The following PHYHIPL variants were observed in gnomAD, a reference collection of about 807,000 sequenced individuals.
PHYHIPL encodes the protein phytanoyl-CoA hydroxylase-interacting protein-like.
Under a neutral mutation model 33.4 loss-of-function variants are expected in PHYHIPL, and 9 were observed. The observed-to-expected ratio is 0.27, with a 90% confidence interval of 0.16 to 0.47. PHYHIPL has a LOEUF of 0.47. Among genes scored for constraint, PHYHIPL ranks in the 20% least tolerant of loss-of-function variants. The pLI, the probability that PHYHIPL is intolerant of heterozygous loss-of-function variation, is 0.99. For synonymous variants in PHYHIPL, 153 were observed against 154.1 expected, an observed-to-expected ratio of 0.99 and a Z score of 0.05; for missense variants, 365 against 460.7, an observed-to-expected ratio of 0.79 and a Z score of 1.90.
intron 1 of PHYHIPL, among the ~76,000 whole-genome samples, chr10:59,182,485 G>A (rs1440459154): frequency 6.6e-6 from 1 of 152,060 alleles, no homozygotes; most frequent in African/African-American, 2.4e-5. Flanking sequence ...TAGGATTACA[G>A]GCACCCGCCA....
rs577632539 is a variant in PHYHIPL, at chr10:59,183,321, A to G, written c.106+6362A>G. 2.8e-3 allele frequency among the ~76,000 whole-genome samples: 434 copies of G among 152,348 alleles called. 5 individuals are homozygous for G. Among genetic ancestry groups the G allele is most frequent in the Non-Finnish European group, 5.3e-3 (358 of 68,026 alleles). ...AAGGAGACATTTTTGAGAGATTAGT[A>G]TAAAGCAAAAAGAATTTTTGAGTTA... is the stretch of plus-strand genomic sequence containing the variant. On this transcript the variant is annotated intron_variant, in intron 1 of 4. Transcript: ENST00000373880.
chr10:59,222,366 T>G (rs1420195514), intron 1 of PHYHIPL, among the ~76,000 whole-genome samples: 2 of 151,938 alleles, frequency 1.3e-5, no homozygotes, highest in Non-Finnish European at 2.9e-5. Flanking sequence ...AAAGCGGGGC[T>G]TAAGGATTAG....
At chr10:59,204,579 C>A (rs1012456995) in intron 1 of PHYHIPL, among the ~76,000 whole-genome samples, 8 of 152,046 alleles carry the variant, frequency 5.3e-5, no homozygotes, top group African/African-American at 1.2e-4. Flanking sequence ...ACTCAAGGAC[C>A]AGATTCTCAG....
chr10:59,216,242 C>T (rs973617499), intron 1 of PHYHIPL, among the ~76,000 whole-genome samples: 2 of 151,994 alleles, frequency 1.3e-5, no homozygotes, highest in African/African-American at 4.8e-5. Flanking sequence ...TTCAAGTGCT[C>T]AGTAGATTCA....
At chr10:59,200,305 T>C (rs1839060667) in intron 1 of PHYHIPL, among the ~76,000 whole-genome samples, 1 of 152,202 alleles carries the variant, frequency 6.6e-6, no homozygotes, top group Non-Finnish European at 1.5e-5. Context: ...TCTGCATCTA[T>C]TGAGATAATC....
intron 1 of PHYHIPL, among the ~76,000 whole-genome samples, chr10:59,196,639 T>C (rs1838928123): frequency 6.6e-6 from 1 of 152,036 alleles, no homozygotes; most frequent in Non-Finnish European, 1.5e-5. Flanking sequence ...AGGATGGTCT[T>C]GATCTCCTGA....
intron 2 of PHYHIPL, among the ~76,000 whole-genome samples, chr10:59,234,743 G>A (rs959352688): frequency 6.6e-6 from 1 of 151,782 alleles, no homozygotes; most frequent in African/African-American, 2.4e-5. Context: ...CTATCATCTA[G>A]ATGTAAAAAT....
At chr10:59,198,948 A>G (rs1414570789) in intron 1 of PHYHIPL, among the ~76,000 whole-genome samples, 3 of 151,966 alleles carry the variant, frequency 2.0e-5, no homozygotes, top group Non-Finnish European at 2.9e-5. Context: ...TGTAGATTCT[A>G]GATATTAGCC....
Position 59,233,096 on chromosome 10 carries a change from A to G in PHYHIPL, c.107-1208A>G, listed in dbSNP as rs1010424987. Among the ~76,000 whole-genome samples the G allele has an allele frequency of 2.6e-5, 4 of 151,896 alleles. 1 individual carries two copies. The highest frequency in any genetic ancestry group is 2.6e-4 in the Admixed American group (4 of 15,234). ...TGAAGAAAGTACATAGGAGAAGAAA[A>G]AAGGATTTTTAAAAGTATTGTTCAA... On this transcript the variant is annotated intron_variant, in intron 1 of 4. Coordinates refer to ENST00000373880, the MANE Select transcript of PHYHIPL (RefSeq NM_032439.4).
At chr10:59,182,226 G>A (rs547080700) in intron 1 of PHYHIPL, among the ~76,000 whole-genome samples, 31 of 151,650 alleles carry the variant, frequency 2.0e-4, no homozygotes, top group Non-Finnish European at 2.8e-4. Flanking sequence ...CTCCTTCTTG[G>A]ATTTATTTTC....
chr10:59,204,721 T>G (rs1353096081), intron 1 of PHYHIPL, among the ~76,000 whole-genome samples: 1 of 152,166 alleles, frequency 6.6e-6, no homozygotes, highest in Non-Finnish European at 1.5e-5. Context: ...GGGAGTGCCA[T>G]CTCCACTATG....
chr10:59,207,559 C>G (rs1839321475), intron 1 of PHYHIPL, among the ~76,000 whole-genome samples: 1 of 152,174 alleles, frequency 6.6e-6, no homozygotes, highest in South Asian at 2.1e-4. Context: ...CAGACTACCT[C>G]TCTAGATTCC....
intron 1 of PHYHIPL, among the ~76,000 whole-genome samples, chr10:59,210,389 C>A (rs2133237018): frequency 6.6e-6 from 1 of 152,268 alleles, no homozygotes; most frequent in South Asian, 2.1e-4. Context: ...CCATCTCAAG[C>A]CAGTTAGAAT....
chr10:59,202,183 G>C (rs1218758369), intron 1 of PHYHIPL, among the ~76,000 whole-genome samples: 1 of 152,014 alleles, frequency 6.6e-6, no homozygotes, highest in Non-Finnish European at 1.5e-5. Context: ...TGAAGGACTA[G>C]TTTAAAATAT....
chr10:59,237,755 T>G (rs1350027866), intron 3 of PHYHIPL, among the ~76,000 whole-genome samples: 1 of 151,922 alleles, frequency 6.6e-6, no homozygotes, highest in Non-Finnish European at 1.5e-5. Flanking sequence ...TAAAACCCTG[T>G]GCTTATCCCA....
chr10:59,221,056 T>C (rs1187297945), intron 1 of PHYHIPL, among the ~76,000 whole-genome samples: 2 of 152,092 alleles, frequency 1.3e-5, no homozygotes, highest in Admixed American at 6.6e-5. Context: ...TTTTATGCCT[T>C]GATTTGCCCA....
chr10:59,210,651 C>A (rs545262490), intron 1 of PHYHIPL, among the ~76,000 whole-genome samples: 4 of 152,248 alleles, frequency 2.6e-5, no homozygotes, highest in Admixed American at 6.5e-5. Context: ...GCACTGTTCA[C>A]AATAGCAAAG....
intron 1 of PHYHIPL, among the ~76,000 whole-genome samples, chr10:59,199,328 T>G (rs1328228631): frequency 4.6e-5 from 7 of 152,216 alleles, no homozygotes; most frequent in Non-Finnish European, 7.4e-5. Flanking sequence ...TTTCCCCATT[T>G]CTTGTTTTTG....
At chr10:59,241,492 T>G (rs1210765898) in intron 4 of PHYHIPL, among the ~76,000 whole-genome samples, 3 of 152,134 alleles carry the variant, frequency 2.0e-5, no homozygotes, top group South Asian at 2.1e-4. Context: ...TCCTTAAAAC[T>G]CCTTTTATAT....
Sources: gnomAD v4.1 joint callset for allele counts (sites outside exome capture counted in the v4.1 genomes callset) on GRCh38, gnomAD v4.1.1 for gene constraint, MANE v1.5 for transcripts, NCBI Gene and HGNC (gene_info 2026-07-23, HGNC 2026-07-21) for gene names.